The following C1QTNF12 variants were observed in gnomAD, a reference collection of about 807,000 sequenced individuals.
C1QTNF12 encodes C1q and TNF related 12.
Under a neutral mutation model 34.3 loss-of-function variants are expected in C1QTNF12, and 39 were observed. The ratio of observed to expected loss-of-function variants is 1.14; its 90% confidence interval spans 0.88 to 1.49. The LOEUF (loss-of-function observed/expected upper bound fraction) is 1.49. C1QTNF12 is among the 40% of genes most tolerant of loss of function. The pLI, the probability that C1QTNF12 is intolerant of heterozygous loss-of-function variation, is 0.00. For synonymous variants in C1QTNF12, 220 were observed against 196.9 expected (o/e 1.12, Z -0.98); for missense variants, 497 against 424.7 (o/e 1.17, Z -1.50).
intron 5 of C1QTNF12, 101 bp from the exon 6 acceptor site, chr1:1,243,253 C>T: frequency 9.2e-7 from 1 of 1,085,858 alleles, no homozygotes; most frequent in Non-Finnish European, 1.3e-6. Context: ...CCAGGAGTGG[C>T]TGCTGGGGCT....
At chr1:1,244,554 C>A (rs1490466120) in intron 1 of C1QTNF12, 57 bp from the exon 2 acceptor site, 5 of 1,350,708 alleles carry the variant, frequency 3.7e-6, no homozygotes, top group East Asian at 2.3e-5. Context: ...AGAGCTGGGA[C>A]CCCAGGGCAG....
chr1:1,243,863 CTG>C, intron 4 of C1QTNF12, 89 bp downstream of exon 4: 1 of 1,423,724 alleles, frequency 7.0e-7, no homozygotes, highest in Non-Finnish European at 9.5e-7. Flanking sequence ...AACCCACATG[CTG>C]CCCCATGAGT....
chr1:1,246,598 C>A lies in C1QTNF12; in HGVS notation c.93G>T (p.Arg31Ser). 1 of 1,247,464 alleles carries A rather than the reference C, an allele frequency of 8.0e-7. No homozygotes were observed. Among genetic ancestry groups the A allele is most frequent in the South Asian group, 3.4e-5 (1 of 29,274 alleles). The allele number at this position is 1,247,464 out of a possible 1,614,324, so 77.3% of individuals were successfully genotyped here. The change falls in exon 1 of 8, where the codon AGG (arginine) becomes AGT (serine). Residue 31 changes from arginine (R) to serine (S), a missense_variant. Physicochemically the swap from Arg to Ser is moderately radical, Grantham distance 110. Transcript: ENST00000330388. The surrounding 1 kb of genome is among the most constrained non-coding windows in gnomAD (Gnocchi z 4.5). ...GGVGARREAQRTQQPGQRADP... is the reference protein window; with the variant it reads ...GGVGARREAQSTQQPGQRADP... Reference sequence around the variant, plus strand: ...CTGCGCGCTGGCCAGGCTGCTGCGTCCTCTGTGCCTCCCGCCGGGCCCCGA... The same window carrying A: ...CTGCGCGCTGGCCAGGCTGCTGCGTACTCTGTGCCTCCCGCCGGGCCCCGA...
Position 1,243,052 on chromosome 1 carries a change from G to T in C1QTNF12, c.731+10C>A. 1 of 1,574,008 alleles carries T rather than the reference G, an allele frequency of 6.4e-7. No individual in the cohort carries two copies. Among genetic ancestry groups the T allele is most frequent in the African/African-American group, 1.4e-5 (1 of 73,902 alleles). ...GGCTGCCGCCTGGAGCGGGGGCTGA[G>T]GTCACTCACGTGTGGCGCTGGCACA... On this transcript the variant is annotated intron_variant, in intron 6 of 7. Coordinates refer to ENST00000330388, the MANE Select transcript of C1QTNF12 (RefSeq NM_001014980.3).
upstream of C1QTNF12, chr1:1,246,726 C>CGGCGCCAG: frequency 8.2e-7 from 1 of 1,212,668 alleles, no homozygotes; most frequent in Non-Finnish European, 1.0e-6. This position sits in a 1 kb window ranked among gnomAD's most constrained non-coding sequence, Gnocchi z 4.5. Context: ...CGGCGAGTCT[C>CGGCGCCAG]GGCGCCAGGG....
upstream of C1QTNF12, among the ~76,000 whole-genome samples, chr1:1,247,058 C>G (rs1415487555): frequency 6.6e-6 from 1 of 152,134 alleles, no homozygotes; most frequent in African/African-American, 2.4e-5. Context: ...GCGGAGACCC[C>G]CACTGACCCC....
intron 4 of C1QTNF12, 129 bp downstream of exon 4, chr1:1,243,825 C>A: frequency 4.0e-6 from 5 of 1,249,494 alleles, no homozygotes; most frequent in Non-Finnish European, 4.4e-6. Flanking sequence ...GGCAGCCCCT[C>A]GCCCTCCGAG....
In C1QTNF12 at chr1:1,243,496, C is replaced by T; in HGVS notation, c.588G>A (p.Arg196=). The T allele has an allele frequency of 6.4e-7, 1 of 1,560,260 alleles. No homozygotes were observed. The highest frequency in any genetic ancestry group is 8.7e-7 in the Non-Finnish European group (1 of 1,152,162). ...RGSGLSLASG[R]FTAPVSGIFQ... is the part of the protein sequence containing the mutation. The stretch of plus-strand genomic sequence containing the variant: ...AGATGCCGGACACGGGGGCCGTGAA[C>T]CGACCCGAGGCCAGGCTCAGACCGG... The change falls in exon 5 of 8, where the codon CGG becomes CGA. Residue 196 remains arginine, a synonymous_variant. Coordinates refer to ENST00000330388, the MANE Select transcript of C1QTNF12 (RefSeq NM_001014980.3).
In C1QTNF12 at chr1:1,246,248, G is replaced by T. The variant is rs1472272710; in HGVS notation, c.177+266C>A. Among the ~76,000 whole-genome samples the T allele has an allele frequency of 1.3e-5, 2 of 150,938 alleles. No homozygotes were observed. Among genetic ancestry groups the T allele is most frequent in the Admixed American group, 6.6e-5 (1 of 15,086 alleles). On this transcript the variant is annotated intron_variant, in intron 1 of 7. Coordinates refer to ENST00000330388, the MANE Select transcript of C1QTNF12 (RefSeq NM_001014980.3). This position sits in a 1 kb window ranked among gnomAD's most constrained non-coding sequence, Gnocchi z 4.5. ...AGGCCCACGCTTCAAAGGGTTAACT[G>T]CGGCCCCCAACCGCGGGAAGCCCCC...
upstream of C1QTNF12, among the ~76,000 whole-genome samples, chr1:1,247,037 ACGGAGACGGGG>A (rs904813539): frequency 3.6e-4 from 55 of 151,968 alleles, no homozygotes; most frequent in Admixed American, 1.3e-3. Flanking sequence ...ACGGCCAGGG[ACGGAGACGGGG>A]CGGAGACCCC....
chr1:1,246,566 G>T lies in C1QTNF12; in HGVS notation c.125C>A (p.Pro42His), dbSNP rs1308057461. The T allele has an allele frequency of 8.0e-7, 1 of 1,245,878 alleles. No individual in the cohort carries two copies. Among genetic ancestry groups the T allele is most frequent in the Non-Finnish European group, 1.0e-6 (1 of 995,234 alleles). 77.2% of individuals were successfully genotyped at this position (1,245,878 alleles called of 1,614,324 possible). ...TQQPGQRADP[P>H]NATASASSRE... The stretch of plus-strand genomic sequence containing the variant: ...GGAGGACGCGCTGGCGGTGGCGTTG[G>T]GGGGATCTGCGCGCTGGCCAGGCTG... Residue 42 changes from proline to histidine, a missense_variant, in exon 1 of 8, where the codon CCC becomes CAC. Physicochemically the swap from Pro to His is moderately conservative, Grantham distance 77 (BLOSUM62 -2). Transcript: ENST00000330388. The surrounding 1 kb of genome is among the most constrained non-coding windows in gnomAD (Gnocchi z 4.5).
Position 1,243,984 on chromosome 1 carries a change from C to T in C1QTNF12, c.501G>A (p.Arg167=). 4 of 1,609,648 alleles carry T rather than the reference C, an allele frequency of 2.5e-6. No homozygotes were observed. The highest frequency in any genetic ancestry group is 3.4e-6 in the Non-Finnish European group (4 of 1,178,676). Residue 167 remains arginine, a synonymous_variant, in exon 4 of 8, where the codon CGG becomes CGA. Transcript: ENST00000330388. The part of the protein sequence containing the change: ...RLQGPRRVDK[R]TLVELHGFQA... ...GGAAACCATGCAGCTCCACCAGCGT[C>T]CGCTTGTCCACCCGGCGGGGACCCT...
In C1QTNF12 at chr1:1,243,122, AGCCGGGCCTT is replaced by A; in HGVS notation, c.661_670del (p.Lys221CysfsTer99). On this transcript the variant is annotated frameshift_variant, in exon 6 of 8. Transcript: ENST00000330388. LOFTEE classifies it high-confidence loss of function. ...AACACACACCACGTCCCGGGCCCGC[AGCCGGGCCTT>A]GCCCTGCAGCTCACTGTGGTCTGCG... is the stretch of plus-strand genomic sequence containing the variant. 6.3e-7 allele frequency: 1 copy of A among 1,575,302 alleles called. No homozygotes were observed. The highest frequency in any genetic ancestry group is 8.6e-7 in the Non-Finnish European group (1 of 1,160,886).
rs1227752229 is a variant in C1QTNF12, at chr1:1,243,160, G to A, written c.641-8C>T. Reference sequence around the variant, plus strand: ...CCTGCAGCTCACTGTGGTCTGCGGAGAGAGCCCTGGGGAGGGTGGTGCATG... The same window carrying A: ...CCTGCAGCTCACTGTGGTCTGCGGAAAGAGCCCTGGGGAGGGTGGTGCATG... On this transcript the variant is annotated splice_polypyrimidine_tract_variant and splice_region_variant and intron_variant, in intron 5 of 7. Coordinates refer to ENST00000330388, the MANE Select transcript of C1QTNF12 (RefSeq NM_001014980.3). The A allele has an allele frequency of 6.6e-7, 1 of 1,520,502 alleles. No individual in the cohort carries two copies. The highest frequency in any genetic ancestry group is 2.0e-5 in the Admixed American group (1 of 50,672). The allele number at this position is 1,520,502 out of a possible 1,614,324, so 94.2% of individuals were successfully genotyped here.
chr1:1,242,656 G>T lies in C1QTNF12; in HGVS notation c.811-10C>A. The stretch of plus-strand genomic sequence containing the variant: ...AAGCGTACTGTCCAGCCTGTAAGAA[G>T]CACGGGGACGTCACAACCGCAGCCA... On this transcript the variant is annotated splice_polypyrimidine_tract_variant and intron_variant, in intron 7 of 7. Coordinates refer to ENST00000330388, the MANE Select transcript of C1QTNF12 (RefSeq NM_001014980.3). 6.3e-7 allele frequency: 1 copy of T among 1,583,528 alleles called. No individual in the cohort carries two copies. The highest frequency in any genetic ancestry group is 8.6e-7 in the Non-Finnish European group (1 of 1,165,176).
Position 1,242,501 on chromosome 1 carries a change from G to T in C1QTNF12, c.*47C>A, listed in dbSNP as rs375081863. The T allele has an allele frequency of 3.5e-6, 5 of 1,427,896 alleles. No individual in the cohort carries two copies. In the South Asian group the frequency reaches 5.1e-5, roughly 14 times the overall value. 88.5% of individuals were successfully genotyped at this position (1,427,896 alleles called of 1,614,324 possible). ...GGTGACCACGGGCATCAGTAGGAGGGTCCCCGGGATCCGGCGGCAGCTCCT... is the reference window on the plus strand; with the variant it reads ...GGTGACCACGGGCATCAGTAGGAGGTTCCCCGGGATCCGGCGGCAGCTCCT... On this transcript the variant is annotated 3_prime_UTR_variant, in exon 8 of 8. Transcript: ENST00000330388.
At chr1:1,242,701 C>T (rs933494222) in intron 7 of C1QTNF12, 55 bp from the exon 8 acceptor site, 10 of 1,552,970 alleles carry the variant, frequency 6.4e-6, no homozygotes, top group Non-Finnish European at 7.9e-6. Flanking sequence ...CACTCGGTGG[C>T]CAACGTCTGC....
rs1211452921 is a variant in C1QTNF12 at position 1,244,010 on chromosome 1, G to A, written c.475C>T (p.Gln159Ter). ...LVGEAFHCRL[Q>*]GPRRVDKRTL... ...CGCTTGTCCACCCGGCGGGGACCCT[G>A]CAGCCGGCAGTGAAAGGCCTCGCCC... is the stretch of plus-strand genomic sequence containing the variant. Residue 159 changes from glutamine (Q) to a stop codon, truncating the protein, a stop_gained, in exon 4 of 8, where the codon CAG (glutamine) becomes TAG (stop). Transcript: ENST00000330388. LOFTEE classifies it high-confidence loss of function. 5 of 1,601,782 alleles carry A rather than the reference G, an allele frequency of 3.1e-6. No homozygotes were observed. The highest frequency in any genetic ancestry group is 2.2e-5 in the South Asian group (2 of 89,732).
chr1:1,245,362 C>T (rs537602375), intron 1 of C1QTNF12, among the ~76,000 whole-genome samples: 1 of 140,266 alleles, frequency 7.1e-6, no homozygotes, highest in Admixed American at 7.1e-5. Flanking sequence ...ACCCGGCGCC[C>T]TGGAGGGGCC....
Sources: gnomAD v4.1 joint callset for allele counts (sites outside exome capture counted in the v4.1 genomes callset) on GRCh38, gnomAD v4.1.1 for gene constraint, Gnocchi (gnomAD v3.1) non-coding constraint, MANE v1.5 for transcripts, NCBI Gene and HGNC (gene_info 2026-07-23, HGNC 2026-07-21) for gene names.